Variants in IST1 observed in about 807,000 individuals in gnomAD.
The protein encoded by IST1 is IST1 homolog.
In IST1, 23 loss-of-function variants were observed where a neutral mutation model predicts 37.0. That is an observed-to-expected ratio of 0.62 (90% confidence interval 0.45 to 0.88). The LOEUF is 0.88. Among genes scored for constraint, IST1 ranks in the 40% least tolerant of loss-of-function variants. The pLI is 0.00. For synonymous variants in IST1, 180 were observed against 161.7 expected, an observed-to-expected ratio of 1.11 and a Z score of -0.86; for missense variants, 488 against 445.4, an observed-to-expected ratio of 1.10 and a Z score of -0.86.
chr16:71,920,971 G>T lies in IST1; in HGVS notation c.441+149G>T. 3 of 702,626 alleles carry T rather than the reference G, an allele frequency of 4.3e-6. No homozygotes were observed. The South Asian group carries it at 4.6e-5, about 11-fold the overall frequency. The allele number at this position is 702,626 out of a possible 1,614,324, so 43.5% of individuals were successfully genotyped here. A position where few individuals can be genotyped will look rare whatever the true frequency, so the allele number is the denominator to read the frequency against. On this transcript the variant is annotated intron_variant, in intron 5 of 9. Coordinates refer to ENST00000378799, the MANE Select transcript of IST1 (RefSeq NM_001270975.2). The stretch of plus-strand genomic sequence containing the variant: ...GAGGAGGACAGCTGTGTGGCTGGCA[G>T]TGTGGTCCAATCCTTACACCTGCCC...
At chr16:71,908,437 C>G (rs1440461776) in intron 1 of IST1, among the ~76,000 whole-genome samples, 2 of 151,198 alleles carry the variant, frequency 1.3e-5, no homozygotes, top group Non-Finnish European at 2.9e-5. Context: ...GTAGCTGGGA[C>G]TACAGGCGTG....
rs1014994000 is a variant in IST1 at position 71,922,597 on chromosome 16, G to A, written c.676G>A (p.Gly226Arg). The change falls in exon 7 of 10, where the codon GGA (glycine) becomes AGA (arginine). Residue 226 changes from glycine to arginine, a missense_variant. By Grantham distance (125) the Gly-to-Arg change is moderately radical. Around this residue, in one of 2 missense-constraint regions of IST1, gnomAD observed 455 missense variants for 386.2 expected, o/e 1.18. Coordinates refer to ENST00000378799, the MANE Select transcript of IST1 (RefSeq NM_001270975.2). ...CACAGCACCAGTTGGTGGACCTGATGGAACGGTGCCAATGCCCATGCCCAT... is the reference window on the plus strand; with the variant it reads ...CACAGCACCAGTTGGTGGACCTGATAGAACGGTGCCAATGCCCATGCCCAT... ...GFTAPVGGPD[G>R]TVPMPMPMPM... The A allele has an allele frequency of 8.1e-6, 13 of 1,606,042 alleles. No individual in the cohort carries two copies. Among genetic ancestry groups the A allele is most frequent in the Non-Finnish European group, 1.0e-5 (12 of 1,176,950 alleles).
upstream of IST1, chr16:71,894,804 G>A: frequency 6.5e-7 from 1 of 1,529,526 alleles, no homozygotes; most frequent in Non-Finnish European, 8.8e-7. Flanking sequence ...CAAAGTGCTG[G>A]GAAGGTCCCT....
At chr16:71,908,352 T>C (rs1327990207) in intron 1 of IST1, among the ~76,000 whole-genome samples, 1 of 126,022 alleles carries the variant, frequency 7.9e-6, no homozygotes, top group East Asian at 2.6e-4. Flanking sequence ...CAGGCTGGAG[T>C]GCAATGGCAC....
At chr16:71,923,872 A>G (rs1163165993) in intron 8 of IST1, among the ~76,000 whole-genome samples, 1 of 152,194 alleles carries the variant, frequency 6.6e-6, no homozygotes, top group East Asian at 1.9e-4. Context: ...TTTGCTAATG[A>G]ATAGCTAATA....
In IST1 at chr16:71,928,013, G is replaced by A. The variant is rs2037792931; in HGVS notation, c.*200G>A. On this transcript the variant is annotated 3_prime_UTR_variant, in exon 10 of 10. Coordinates refer to ENST00000378799, the MANE Select transcript of IST1 (RefSeq NM_001270975.2). ...ATCCTGAGACTAACAATTGGAGACT[G>A]AGGCCAGAGCAACTGGCTCCTGGCA... is the stretch of plus-strand genomic sequence containing the variant. 3.6e-6 allele frequency: 2 copies of A among 554,186 alleles called. No homozygotes were observed. Among genetic ancestry groups the A allele is most frequent in the Non-Finnish European group, 6.5e-6 (2 of 308,870 alleles). 34.3% of individuals were successfully genotyped at this position (554,186 alleles called of 1,614,324 possible).
chr16:71,905,595 G>A (rs189283127), intron 1 of IST1, among the ~76,000 whole-genome samples: 25 of 152,198 alleles, frequency 1.6e-4, no homozygotes, highest in African/African-American at 5.8e-4. Flanking sequence ...GGCCAGGCTG[G>A]TCTTGAACTC....
At chr16:71,910,986 A>C (rs1207334153) in intron 1 of IST1, among the ~76,000 whole-genome samples, 1 of 151,794 alleles carries the variant, frequency 6.6e-6, no homozygotes, top group African/African-American at 2.4e-5. Flanking sequence ...AAAAACAAAC[A>C]AAAAAAACAT....
At chr16:71,895,162 G>C (rs558198598), upstream of IST1, 1 of 255,596 alleles carries the variant, frequency 3.9e-6, no homozygotes, top group Non-Finnish European at 7.7e-6. Flanking sequence ...CGTCAGAGAG[G>C]CGGTACTGGC....
chr16:71,923,103 C>G (rs906464771), intron 7 of IST1, among the ~76,000 whole-genome samples, 185 bp from the exon 8 acceptor site: 3 of 152,178 alleles, frequency 2.0e-5, no homozygotes, highest in African/African-American at 7.2e-5. Flanking sequence ...GCCTTTGGCT[C>G]TAGATCTTTA....
intron 1 of IST1, chr16:71,903,567 C>T (rs1245817469): frequency 6.6e-6 from 1 of 152,060 alleles, no homozygotes; most frequent in Non-Finnish European, 1.5e-5. Flanking sequence ...GTTTTGTTTT[C>T]CTCTTCTTTA....
intron 1 of IST1, among the ~76,000 whole-genome samples, chr16:71,912,015 G>A (rs1360134913): frequency 1.3e-5 from 2 of 151,754 alleles, no homozygotes; most frequent in African/African-American, 4.8e-5. Flanking sequence ...AAACTTGGAA[G>A]TTTGAAAGAG....
At chr16:71,896,682 A>T (rs2036979463) in intron 1 of IST1, among the ~76,000 whole-genome samples, 1 of 152,168 alleles carries the variant, frequency 6.6e-6, no homozygotes, top group African/African-American at 2.4e-5. Context: ...GGTAATAGTC[A>T]TTAGAAGATA....
At chr16:71,900,578 C>T (rs2037085874) in intron 1 of IST1, among the ~76,000 whole-genome samples, 1 of 151,916 alleles carries the variant, frequency 6.6e-6, no homozygotes, top group African/African-American at 2.4e-5. Flanking sequence ...TTTGCTATGC[C>T]AGTGTTAAGA....
intron 1 of IST1, among the ~76,000 whole-genome samples, chr16:71,913,026 C>T (rs2142559499): frequency 6.6e-6 from 1 of 152,310 alleles, no homozygotes; most frequent in East Asian, 1.9e-4. Flanking sequence ...GGGTTGCCTC[C>T]ACCTCTTGGC....
At chr16:71,915,777 A>AC (rs751553942) in intron 2 of IST1, 49 bp downstream of exon 2, 1 of 1,157,294 alleles carries the variant, frequency 8.6e-7, no homozygotes, top group Non-Finnish European at 1.3e-6. Context: ...GGATACTAGC[A>AC]CCCCAGTAAT....
chr16:71,920,866 A>C (rs1160687243), intron 5 of IST1, 44 bp downstream of exon 5: 1 of 1,369,438 alleles, frequency 7.3e-7, no homozygotes, highest in African/African-American at 1.4e-5. Flanking sequence ...GTGTGGGAGC[A>C]GTTTATTGTA....
At chr16:71,908,033 C>T (rs1237829692) in intron 1 of IST1, among the ~76,000 whole-genome samples, 1 of 152,132 alleles carries the variant, frequency 6.6e-6, no homozygotes, top group East Asian at 1.9e-4. Context: ...CACCGTCCGC[C>T]TCCCGGGTTC....
At chr16:71,903,380 A>G (rs1157629724) in intron 1 of IST1, 1 of 151,674 alleles carries the variant, frequency 6.6e-6, no homozygotes, top group Non-Finnish European at 1.5e-5. Flanking sequence ...TTTTTTTTTC[A>G]GTACAAACCT....
Sources: allele counts gnomAD v4.1 joint callset (sites outside exome capture counted in the v4.1 genomes callset), GRCh38; gene constraint gnomAD v4.1.1; regional missense constraint gnomAD v4.1.1; transcripts MANE v1.5; gene names NCBI Gene and HGNC (gene_info 2026-07-23, HGNC 2026-07-21).